PSD3: variants seen among roughly 807,000 people sequenced by gnomAD.
PSD3 encodes the protein pleckstrin and Sec7 domain containing 3, also known as PH and SEC7 domain-containing protein 3.
PSD3 carries 49 observed loss-of-function variants against 105.5 expected under a neutral mutation model. The ratio of observed to expected loss-of-function variants is 0.46; its 90% CI spans 0.37 to 0.59. The LOEUF is 0.59. PSD3 is among the 20% of genes least tolerant of loss of function. The probability of loss-of-function intolerance (pLI) is 0.00; values close to 1 mark genes in which losing one functional copy is unlikely to be tolerated. For missense variants in PSD3, 1,561 were observed against 1,263.8 expected, an observed-to-expected ratio of 1.24 and a Z score of -3.57; for synonymous variants, 557 against 457.8, an observed-to-expected ratio of 1.22 and a Z score of -2.77.
chr8:18,622,307 G>A (rs1806170184), intron 11 of PSD3, among the ~76,000 whole-genome samples: 1 of 152,108 alleles, frequency 6.6e-6, no homozygotes, highest in Admixed American at 6.5e-5. Context: ...CACCTCCTCT[G>A]TTCCCATTTT....
chr8:18,682,104 T>C (rs1800422811), intron 9 of PSD3, among the ~76,000 whole-genome samples: 2 of 152,228 alleles, frequency 1.3e-5, no homozygotes, highest in Non-Finnish European at 2.9e-5. Context: ...TAGAGAATCT[T>C]TTCATGTGGT....
chr8:18,937,056 C>T (rs1302996795), intron 1 of PSD3, among the ~76,000 whole-genome samples: 1 of 152,158 alleles, frequency 6.6e-6, no homozygotes, highest in Admixed American at 6.5e-5. Flanking sequence ...GAAACAAGAA[C>T]TACAAAGGTG....
intron 1 of PSD3, among the ~76,000 whole-genome samples, chr8:18,948,894 C>T (rs1051478004): frequency 2.5e-4 from 38 of 151,810 alleles, no homozygotes; most frequent in African/African-American, 8.7e-4. Context: ...CCTTAGTTTG[C>T]TATATCTCTA....
chr8:19,079,005 C>A (rs1164254022), intron 1 of PSD3, among the ~76,000 whole-genome samples: 1 of 151,980 alleles, frequency 6.6e-6, no homozygotes, highest in African/African-American at 2.4e-5. Flanking sequence ...AGGGACACAG[C>A]TGTAAAGGTG....
At chr8:18,600,251 C>A in intron 12 of PSD3, 113 bp downstream of exon 12, 1 of 1,027,902 alleles carries the variant, frequency 9.7e-7, no homozygotes, top group Non-Finnish European at 1.4e-6. Flanking sequence ...CATCAGCAAA[C>A]AAACTGCAGA....
intron 2 of PSD3, among the ~76,000 whole-genome samples, chr8:18,915,865 C>T (rs1820547551): frequency 6.6e-6 from 1 of 152,012 alleles, no homozygotes; most frequent in Admixed American, 6.6e-5. Flanking sequence ...GAGGCCAAGG[C>T]AGGAGGAATC....
At chr8:18,752,553 TA>T (rs372995626) in intron 9 of PSD3, among the ~76,000 whole-genome samples, 1,411 of 6,944 alleles carry the variant, frequency 0.2, 64 homozygotes, top group African/African-American at 0.28. Context: ...ATATTATATA[TA>T]ATTATATATA....
intron 1 of PSD3, among the ~76,000 whole-genome samples, chr8:19,025,275 GT>G (rs1278195451): frequency 1.3e-5 from 2 of 152,144 alleles, no homozygotes; most frequent in Non-Finnish European, 2.9e-5. Flanking sequence ...TGACACCACA[GT>G]TCTGAGAAAT....
chr8:18,701,066 AG>A, intron 9 of PSD3, among the ~76,000 whole-genome samples: 1 of 151,998 alleles, frequency 6.6e-6, no homozygotes, highest in East Asian at 1.9e-4. Context: ...TCCTGGCTTA[AG>A]CAATCCTCTC....
At position 19,033,982 on chromosome 8, in the gene PSD3, G is replaced by A. The variant is rs552027027; in HGVS notation, c.324+50224C>T. Among the ~76,000 whole-genome samples, 5 of 152,264 alleles carry A rather than the reference G, an allele frequency of 3.3e-5. No individual in the cohort carries two copies. The South Asian group carries it at 1.0e-3, about 32-fold the overall frequency. Reference sequence around the variant, plus strand: ...CAAGGTAAAGATAAATAAATATCTAGGGAAACGTGATTATATACAGAAAAC... The same window carrying A: ...CAAGGTAAAGATAAATAAATATCTAAGGAAACGTGATTATATACAGAAAAC... On this transcript the variant is annotated intron_variant, in intron 1 of 1. Coordinates refer to the PSD3 transcript ENST00000521475.
At position 18,998,893 on chromosome 8, in the gene PSD3, G is replaced by GA. The variant is rs959869914; in HGVS notation, c.21+14669dup. 5.1e-4 allele frequency among the ~76,000 whole-genome samples: 77 copies of GA among 151,856 alleles called. 2 individuals carry two copies. The highest frequency in any genetic ancestry group is 1.0e-3 in the Non-Finnish European group (69 of 67,914). On this transcript the variant is annotated intron_variant, in intron 1 of 15. Coordinates refer to ENST00000327040, the MANE Select transcript of PSD3 (RefSeq NM_015310.4). ...AACTTCTGGACTCAAGTACAAGACA[G>GA]AAAAAAACGTTTTTGTTATACTTTA...
intron 12 of PSD3, among the ~76,000 whole-genome samples, chr8:18,593,643 T>C (rs979063492): frequency 5.9e-5 from 9 of 152,216 alleles, no homozygotes; most frequent in Admixed American, 4.6e-4. Flanking sequence ...CAAAGGATTA[T>C]AAATCATGCT....
intron 1 of PSD3, among the ~76,000 whole-genome samples, chr8:19,023,904 G>C (rs376034618): frequency 5.9e-5 from 9 of 152,306 alleles, no homozygotes; most frequent in African/African-American, 2.2e-4. Flanking sequence ...TTTTCTGTGA[G>C]TGTAAAGCTT....
At chr8:18,865,069 AAAG>A (rs936743161) in intron 4 of PSD3, 11 of 151,538 alleles carry the variant, frequency 7.3e-5, no homozygotes, top group African/African-American at 1.9e-4. Flanking sequence ...AATCCGATCA[AAAG>A]AAGAATAACA....
chr8:18,761,139 G>T (rs145800241), intron 9 of PSD3, among the ~76,000 whole-genome samples: 1 of 152,282 alleles, frequency 6.6e-6, no homozygotes, highest in African/African-American at 2.4e-5. Context: ...TTAAAAATGT[G>T]GGAAGAAGGA....
intron 9 of PSD3, among the ~76,000 whole-genome samples, chr8:18,714,829 G>T (rs866960014): frequency 6.6e-6 from 1 of 152,132 alleles, no homozygotes; most frequent in Non-Finnish European, 1.5e-5. Context: ...ACACATGCAC[G>T]TGTATGTTCA....
intron 14 of PSD3, among the ~76,000 whole-genome samples, chr8:18,565,834 G>A (rs76994817): frequency 1.3e-5 from 2 of 151,984 alleles, no homozygotes; most frequent in South Asian, 4.1e-4. Flanking sequence ...GAAGATATTT[G>A]GCAATGTCTG....
rs976775716 is a variant in PSD3, at chr8:18,529,128, G to C, written c.*6615C>G. ...GAAAATGATGCACACCAGCTTCTGG[G>C]ACTTCACCCAGGCTACGGAGAGATG... On this transcript the variant is annotated 3_prime_UTR_variant, in exon 16 of 16. Transcript: ENST00000327040. 9 of 152,180 alleles carry C rather than the reference G, an allele frequency of 5.9e-5. No individual in the cohort carries two copies. The highest frequency in any genetic ancestry group is 1.2e-4 in the Non-Finnish European group (8 of 68,038). The allele number at this position is 152,180 out of a possible 1,614,324, so 9.4% of individuals were successfully genotyped here. A position where few individuals can be genotyped will look rare whatever the true frequency, so the allele number is the denominator to read the frequency against.
intron 15 of PSD3, among the ~76,000 whole-genome samples, chr8:18,539,273 ACT>A (rs1184241077): frequency 2.0e-5 from 3 of 152,160 alleles, no homozygotes; most frequent in Non-Finnish European, 4.4e-5. Flanking sequence ...AAGAAAAATA[ACT>A]CTGAATGATG....
Sources: gnomAD v4.1 joint callset for allele counts (sites outside exome capture counted in the v4.1 genomes callset) on GRCh38, gnomAD v4.1.1 for gene constraint, MANE v1.5 for transcripts, NCBI Gene and HGNC (gene_info 2026-07-23, HGNC 2026-07-21) for gene names.